The following TMEM132D variants were observed in gnomAD, a reference collection of about 807,000 sequenced individuals.
The protein encoded by TMEM132D is mature OL transmembrane protein.
A neutral mutation model predicts 62.3 loss-of-function variants in TMEM132D; 21 were observed. That is an observed-to-expected ratio of 0.34 (90% CI 0.24 to 0.49). TMEM132D has a LOEUF of 0.49. Ranked by LOEUF, TMEM132D falls within the 20% of genes least tolerant of loss-of-function variation. The pLI is 0.99. For synonymous variants in TMEM132D, 621 were observed against 575.6 expected (o/e 1.08, Z -1.13); for missense variants, 1,346 against 1,402.8 (o/e 0.96, Z 0.65).
intron 1 of TMEM132D, among the ~76,000 whole-genome samples, chr12:129,784,549 A>G (rs1048025001): frequency 1.3e-5 from 2 of 152,208 alleles, no homozygotes; most frequent in African/African-American, 4.8e-5. Context: ...CATTTTCGGC[A>G]TCTGTGCTGG....
At chr12:129,744,804 T>C (rs1343258820) in intron 1 of TMEM132D, among the ~76,000 whole-genome samples, 2 of 152,164 alleles carry the variant, frequency 1.3e-5, no homozygotes, top group Admixed American at 1.3e-4. Flanking sequence ...AAGCATGCAA[T>C]GACACAAAGG....
rs573606904 is a variant in TMEM132D at position 129,408,575 on chromosome 12, T to C, written c.1116-70758A>G. The stretch of plus-strand genomic sequence containing the variant: ...TTTTCTTGAGGTTATTCTTTGGTAG[T>C]TTAAATTTTTACACAAGGCAATTTT... On this transcript the variant is annotated intron_variant, in intron 3 of 8. Transcript: ENST00000422113. Among the ~76,000 whole-genome samples, 90 of 152,266 alleles carry C rather than the reference T, an allele frequency of 5.9e-4. No individual in the cohort carries two copies. In the Middle Eastern group the frequency reaches 0.01, roughly 17 times the overall value.
intron 3 of TMEM132D, among the ~76,000 whole-genome samples, chr12:129,384,514 G>GT (rs1871047858): frequency 6.7e-6 from 1 of 150,254 alleles, no homozygotes; most frequent in Non-Finnish European, 1.5e-5. Context: ...ACTGCTCTGT[G>GT]CTTTTTTTTT....
At chr12:129,703,290 T>C (rs369691345) in intron 1 of TMEM132D, among the ~76,000 whole-genome samples, 1 of 152,206 alleles carries the variant, frequency 6.6e-6, no homozygotes, top group East Asian at 1.9e-4. Flanking sequence ...GGTCCTATGA[T>C]TTTATTCAGG....
chr12:129,605,552 C>T (rs1485120968), intron 2 of TMEM132D, among the ~76,000 whole-genome samples: 1 of 142,598 alleles, frequency 7.0e-6, no homozygotes, highest in African/African-American at 2.6e-5. Flanking sequence ...TTATGCCCCA[C>T]AAGCAGCCTT....
intron 1 of TMEM132D, among the ~76,000 whole-genome samples, chr12:129,786,450 GA>G (rs1418553976): frequency 9.8e-5 from 15 of 152,330 alleles, no homozygotes; most frequent in Non-Finnish European, 1.3e-4. Context: ...AAACCATACA[GA>G]AAAGGGAACT....
At position 129,072,283 on chromosome 12, in the gene TMEM132D, ATCAAT is replaced by A. The variant is rs1874095004; in HGVS notation, c.*1587_*1591del. 1.3e-5 allele frequency: 2 copies of A among 152,384 alleles called. No individual in the cohort carries two copies. The highest frequency in any genetic ancestry group is 6.6e-5 in the Admixed American group (1 of 15,254). 9.4% of individuals were successfully genotyped at this position (152,384 alleles called of 1,614,324 possible). On this transcript the variant is annotated 3_prime_UTR_variant, in exon 9 of 9. Transcript: ENST00000422113. ...AAATGACCAGAGGGAAAAATAGAAG[ATCAAT>A]TCAACAGCACGGCCTCTTCTGCCCA...
At chr12:129,353,446 C>G (rs1343200625) in intron 3 of TMEM132D, among the ~76,000 whole-genome samples, 2 of 152,114 alleles carry the variant, frequency 1.3e-5, no homozygotes, top group African/African-American at 4.8e-5. Flanking sequence ...CACTTCCGAA[C>G]AGTTTGGATT....
intron 1 of TMEM132D, among the ~76,000 whole-genome samples, chr12:129,704,643 C>A (rs1018306638): frequency 2.6e-5 from 4 of 152,194 alleles, no homozygotes; most frequent in Non-Finnish European, 5.9e-5. Context: ...CTGGGCATGT[C>A]AACACCCCAG....
rs998647861 is a variant in TMEM132D at position 129,431,208 on chromosome 12, C to T, written c.1116-93391G>A. The stretch of plus-strand genomic sequence containing the variant: ...AGCTCCTGCCATTATTCCCTGTTTA[C>T]CGATAAGGACGCGGAGCTTCAGTAA... On this transcript the variant is annotated intron_variant, in intron 3 of 8. Coordinates refer to ENST00000422113, the MANE Select transcript of TMEM132D (RefSeq NM_133448.3). 4.6e-5 allele frequency among the ~76,000 whole-genome samples: 7 copies of T among 152,190 alleles called. No homozygotes were observed. The South Asian group carries it at 1.0e-3, about 22-fold the overall frequency.
At chr12:129,351,030 T>C (rs941329445) in intron 3 of TMEM132D, among the ~76,000 whole-genome samples, 1 of 152,180 alleles carries the variant, frequency 6.6e-6, no homozygotes, top group African/African-American at 2.4e-5. Context: ...AGGATGGCTG[T>C]CACCTCAACA....
intron 4 of TMEM132D, among the ~76,000 whole-genome samples, chr12:129,289,580 GAAA>G (rs1439501024): frequency 6.9e-6 from 1 of 145,366 alleles, no homozygotes; most frequent in East Asian, 2.0e-4. Flanking sequence ...AAAAGAAAAA[GAAA>G]AGGAAAAGCA....
At chr12:129,595,389 T>C (rs1301485391) in intron 2 of TMEM132D, among the ~76,000 whole-genome samples, 1 of 152,178 alleles carries the variant, frequency 6.6e-6, no homozygotes, top group Admixed American at 6.5e-5. Context: ...CTGTGAGGTG[T>C]CTCAAATGAG....
chr12:129,646,870 G>A (rs916864680), intron 2 of TMEM132D, among the ~76,000 whole-genome samples: 13 of 150,022 alleles, frequency 8.7e-5, no homozygotes, highest in Admixed American at 4.0e-4. Context: ...TGCAATCTTG[G>A]CTCACTGCAA....
chr12:129,642,407 C>T (rs1490191082), intron 2 of TMEM132D, among the ~76,000 whole-genome samples: 1 of 152,216 alleles, frequency 6.6e-6, no homozygotes, highest in Admixed American at 6.5e-5. Flanking sequence ...CCTTCGAGAG[C>T]AGCAGAGTTG....
intron 1 of TMEM132D, among the ~76,000 whole-genome samples, chr12:129,782,229 T>A (rs1871139539): frequency 6.6e-6 from 1 of 152,178 alleles, no homozygotes; most frequent in African/African-American, 2.4e-5. Context: ...CAGTGAAAAT[T>A]TCCTTTGAGC....
At chr12:129,339,046 C>T (rs1566038007) in intron 3 of TMEM132D, among the ~76,000 whole-genome samples, 2 of 151,818 alleles carry the variant, frequency 1.3e-5, no homozygotes, top group East Asian at 1.9e-4. Context: ...AAGATAAAAG[C>T]GATCACTTGA....
At chr12:129,232,494 CT>C (rs1489926265) in intron 4 of TMEM132D, among the ~76,000 whole-genome samples, 1 of 152,182 alleles carries the variant, frequency 6.6e-6, no homozygotes, top group Admixed American at 6.5e-5. Context: ...GTGAGACTGC[CT>C]TCTGGTCCAA....
intron 1 of TMEM132D, among the ~76,000 whole-genome samples, chr12:129,828,847 G>T (rs1464991157): frequency 2.7e-5 from 4 of 147,402 alleles, no homozygotes; most frequent in Non-Finnish European, 6.0e-5. Context: ...AGGATGAAAG[G>T]TATCCTCTAG....
Sources: gnomAD v4.1 joint callset for allele counts (sites outside exome capture counted in the v4.1 genomes callset) on GRCh38, gnomAD v4.1.1 for gene constraint, MANE v1.5 for transcripts, NCBI Gene and HGNC (gene_info 2026-07-23, HGNC 2026-07-21) for gene names.